The following SCAF8 variants were observed in gnomAD, a reference collection of about 807,000 sequenced individuals.
SCAF8 encodes SR-related and CTD-associated factor 8.
SCAF8 carries 23 observed loss-of-function variants against 140.5 expected under a neutral mutation model. That is an observed-to-expected ratio of 0.16 (90% CI 0.12 to 0.23). SCAF8 has a LOEUF of 0.23. Ranked by LOEUF, SCAF8 falls within the 10% of genes least tolerant of loss-of-function variation. The pLI, the probability that SCAF8 is intolerant of heterozygous loss-of-function variation, is 1.00. For missense variants in SCAF8, 1,397 were observed against 1,555.7 expected (o/e 0.90, Z 1.72); for synonymous variants, 575 against 528.9 (o/e 1.09, Z -1.20).
intron 1 of SCAF8, 66 bp from the exon 2 acceptor site, chr6:154,773,923 G>A: frequency 1.0e-6 from 1 of 972,862 alleles, no homozygotes; most frequent in Non-Finnish European, 1.6e-6. Flanking sequence ...AAATGAACAT[G>A]TTTGGTAGTT....
chr6:154,736,561 T>A (rs1778427381), intron 1 of SCAF8, among the ~76,000 whole-genome samples: 1 of 152,154 alleles, frequency 6.6e-6, no homozygotes, highest in Admixed American at 6.5e-5. Context: ...CGTGAGCCAC[T>A]GCGCCTGGCC....
intron 1 of SCAF8, among the ~76,000 whole-genome samples, chr6:154,747,596 G>T (rs886876676): frequency 6.6e-6 from 1 of 152,140 alleles, no homozygotes; most frequent in Non-Finnish European, 1.5e-5. Flanking sequence ...GCTATGCTTT[G>T]CTGGGCTCAG....
chr6:154,751,299 G>T (rs1778831810), intron 1 of SCAF8, among the ~76,000 whole-genome samples: 1 of 151,236 alleles, frequency 6.6e-6, no homozygotes, highest in Non-Finnish European at 1.5e-5. Flanking sequence ...TGTGATCTCC[G>T]CTCACTGCAA....
chr6:154,750,333 A>T (rs1399259174), intron 1 of SCAF8, among the ~76,000 whole-genome samples: 1 of 152,194 alleles, frequency 6.6e-6, no homozygotes, highest in Non-Finnish European at 1.5e-5. Flanking sequence ...ACCTGGAGAA[A>T]ACAGGCTAGA....
intron 4 of SCAF8, among the ~76,000 whole-genome samples, chr6:154,789,255 C>T (rs1183310267): frequency 6.7e-6 from 1 of 150,014 alleles, no homozygotes; most frequent in African/African-American, 2.5e-5. Context: ...ATTACAGGCG[C>T]CCGCCACCAC....
rs1403689626 is a variant in SCAF8, at chr6:154,802,001, C to A, written c.637C>A (p.Gln213Lys). ...LQQLIQTLQIQQQKPQPSILQ... is the reference protein window; with the variant it reads ...LQQLIQTLQIKQQKPQPSILQ... ...ACAATTAATACAAACCTTACAGATA[C>A]AACAACAGAAGCCCCAGCCTTCCAT... Residue 213 changes from glutamine to lysine, a missense_variant, in exon 7 of 20, where the codon CAA becomes AAA. Physicochemically the swap from Gln to Lys is moderately conservative, Grantham distance 53 (BLOSUM62 1). Around this residue, in one of 5 missense-constraint regions of SCAF8, gnomAD observed 339 missense variants for 407.5 expected, o/e 0.83. Transcript: ENST00000367178. 6 of 1,606,440 alleles carry A rather than the reference C, an allele frequency of 3.7e-6. No homozygotes were observed. The highest frequency in any genetic ancestry group is 5.1e-6 in the Non-Finnish European group (6 of 1,177,192).
At chr6:154,764,278 T>C (rs1776497930) in intron 1 of SCAF8, among the ~76,000 whole-genome samples, 1 of 28,388 alleles carries the variant, frequency 3.5e-5, no homozygotes, top group Non-Finnish European at 5.4e-5. Context: ...TTTTCTTTCC[T>C]TTTTTTTTTT....
chr6:154,760,007 C>T (rs1779063030), intron 1 of SCAF8, among the ~76,000 whole-genome samples: 1 of 151,732 alleles, frequency 6.6e-6, no homozygotes, highest in Non-Finnish European at 1.5e-5. Context: ...AAATCAAATT[C>T]TGGGCTGGGC....
chr6:154,826,062 G>GT lies in SCAF8; in HGVS notation c.2072-1105dup, dbSNP rs951192733. ...CTTAAGTTCTTAGATGTTGGGTAGA[G>GT]TTTTTAGCAAGACTAAAAAATAAAT... On this transcript the variant is annotated intron_variant, in intron 17 of 19. Coordinates refer to ENST00000367178, the MANE Select transcript of SCAF8 (RefSeq NM_014892.5). Among the ~76,000 whole-genome samples the GT allele has an allele frequency of 3.3e-5, 5 of 152,116 alleles. No homozygotes were observed. In the East Asian group the frequency reaches 9.6e-4, roughly 29 times the overall value.
chr6:154,793,006 TA>T (rs746612739), intron 5 of SCAF8, 30 bp downstream of exon 5: 10 of 1,553,486 alleles, frequency 6.4e-6, no homozygotes, highest in Non-Finnish European at 7.8e-6. Flanking sequence ...ATTTGTTGTC[TA>T]AATATTCTAC....
chr6:154,832,815 T>G lies in SCAF8; in HGVS notation c.3236T>G (p.Leu1079Arg). 1 of 1,614,030 alleles carries G rather than the reference T, an allele frequency of 6.2e-7. No homozygotes were observed. The highest frequency in any genetic ancestry group is 8.5e-7 in the Non-Finnish European group (1 of 1,180,004). ...CTTGTGAGGCCAGGTATAGATCATC[T>G]TGGTCGAAGAGACCACTTTGGCTTT... is the stretch of plus-strand genomic sequence containing the variant. ...ENLVRPGIDH[L>R]GRRDHFGFNP... Residue 1079 changes from leucine to arginine, a missense_variant, in exon 20 of 20, where the codon CTT (leucine) becomes CGT (arginine). Leu to Arg is a moderately radical substitution (Grantham distance 102, BLOSUM62 -2). Around this residue, in one of 5 missense-constraint regions of SCAF8, gnomAD observed 930 missense variants for 874.6 expected, o/e 1.06. Coordinates refer to ENST00000367178, the MANE Select transcript of SCAF8 (RefSeq NM_014892.5).
At chr6:154,799,043 C>T (rs914146238) in intron 6 of SCAF8, among the ~76,000 whole-genome samples, 4 of 150,552 alleles carry the variant, frequency 2.7e-5, no homozygotes, top group East Asian at 1.9e-4. Context: ...AGTGAAATGG[C>T]GCTGTCTCGG....
chr6:154,747,780 T>G (rs2114802199), intron 1 of SCAF8, among the ~76,000 whole-genome samples: 1 of 152,274 alleles, frequency 6.6e-6, no homozygotes, highest in East Asian at 1.9e-4. Flanking sequence ...TAACACATTT[T>G]TTTTTGCATT....
chr6:154,742,145 T>C, intron 1 of SCAF8: 1 of 594,608 alleles, frequency 1.7e-6, no homozygotes, highest in South Asian at 2.0e-5. Context: ...TCACTTAGAA[T>C]AGATTGGTAG....
intron 7 of SCAF8, 126 bp from the exon 8 acceptor site, chr6:154,803,418 C>G: frequency 1.4e-6 from 1 of 704,626 alleles, no homozygotes; most frequent in Non-Finnish European, 2.5e-6. Context: ...TAAAGTGATA[C>G]AAAATGTTTA....
chr6:154,805,555 G>T, intron 9 of SCAF8, 69 bp downstream of exon 9: 3 of 802,386 alleles, frequency 3.7e-6, no homozygotes, highest in Admixed American at 2.8e-5. Context: ...CATTTTTGTG[G>T]GTTGGCTTTT....
chr6:154,734,661 A>G (rs1361775952), intron 1 of SCAF8, among the ~76,000 whole-genome samples: 2 of 152,230 alleles, frequency 1.3e-5, no homozygotes, highest in African/African-American at 2.4e-5. Flanking sequence ...TTTAAAAAGC[A>G]GATTCCATTT....
chr6:154,766,362 A>G (rs973227161), intron 1 of SCAF8, among the ~76,000 whole-genome samples: 4 of 152,170 alleles, frequency 2.6e-5, no homozygotes, highest in Non-Finnish European at 4.4e-5. Flanking sequence ...TTTCTATACC[A>G]TGGCACCAAT....
At chr6:154,767,852 T>C (rs1183464084) in intron 1 of SCAF8, among the ~76,000 whole-genome samples, 2 of 152,166 alleles carry the variant, frequency 1.3e-5, no homozygotes, top group African/African-American at 4.8e-5. Flanking sequence ...CCCTGGTATC[T>C]TGACATTTTT....
Sources: gnomAD v4.1 joint callset for allele counts (sites outside exome capture counted in the v4.1 genomes callset) on GRCh38, gnomAD v4.1.1 for gene constraint, gnomAD v4.1.1 regional missense constraint, MANE v1.5 for transcripts, NCBI Gene and HGNC (gene_info 2026-07-23, HGNC 2026-07-21) for gene names.